The following ASB2 variants were observed in gnomAD, a reference collection of about 807,000 sequenced individuals.
ASB2 encodes ankyrin repeat and SOCS box protein 2.
In ASB2, 58 loss-of-function variants were observed where a neutral mutation model predicts 62.4. The observed-to-expected ratio is 0.93, with a 90% CI of 0.75 to 1.16. The LOEUF (loss-of-function observed/expected upper bound fraction) is 1.16. Ranked by LOEUF, ASB2 falls within the 50% of genes most tolerant of loss-of-function variation. ASB2 has a pLI of 0.00. For missense variants in ASB2, 928 were observed against 887.9 expected (o/e 1.05, Z -0.57); for synonymous variants, 386 against 385.3 (o/e 1.00, Z -0.02).
chr14:93,948,278 C>G (rs1243985098), intron 6 of ASB2: 2 of 154,344 alleles, frequency 1.3e-5, no homozygotes, highest in Non-Finnish European at 2.9e-5. Flanking sequence ...AAACTTGAAC[C>G]CAGATGGTCT....
intron 4 of ASB2, 53 bp downstream of exon 4, chr14:93,954,264 C>T (rs1449997304): frequency 4.8e-6 from 7 of 1,455,996 alleles, no homozygotes; most frequent in Non-Finnish European, 5.7e-6. Context: ...GAGCGGCAGC[C>T]CTTCCCCTAG....
chr14:93,954,599 G>A (rs1889106855), intron 3 of ASB2, 116 bp from the exon 4 acceptor site: 1 of 907,280 alleles, frequency 1.1e-6, no homozygotes, highest in Non-Finnish European at 1.7e-6. Flanking sequence ...GCTGGTTCCA[G>A]GATGAGCACT....
chr14:93,951,934 G>A (rs568880388), intron 5 of ASB2, among the ~76,000 whole-genome samples: 1 of 152,114 alleles, frequency 6.6e-6, no homozygotes, highest in African/African-American at 2.4e-5. Flanking sequence ...GACCCCAAAC[G>A]TGCCCTTGGC....
intron 1 of ASB2, among the ~76,000 whole-genome samples, chr14:93,972,287 CT>C (rs1236344985): frequency 6.6e-6 from 1 of 152,022 alleles, no homozygotes; most frequent in Non-Finnish European, 1.5e-5. Flanking sequence ...TCTGATCTGC[CT>C]TTCCCCCCAG....
Position 93,964,905 on chromosome 14 carries a change from T to C in ASB2, c.-73-293A>G, listed in dbSNP as rs545015766. Among the ~76,000 whole-genome samples the C allele has an allele frequency of 6.6e-5, 10 of 152,138 alleles. No homozygotes were observed. The East Asian group carries it at 1.5e-3, about 24-fold the overall frequency. On this transcript the variant is annotated intron_variant, in intron 1 of 9. Coordinates refer to ENST00000555019, the MANE Select transcript of ASB2 (RefSeq NM_001202429.2). ...ACCTTCCCATCCATCCACCCCTCTATACATATATTCAACTATCCAACTACC... is the reference window on the plus strand; with the variant it reads ...ACCTTCCCATCCATCCACCCCTCTACACATATATTCAACTATCCAACTACC...
At position 93,954,372 on chromosome 14, in the gene ASB2, C is replaced by T. The variant is rs561649990; in HGVS notation, c.423G>A (p.Pro141=). ...GGCCATAGTATGCGGCCTCGTGCAG[C>T]GGCAGCCAGCCCTCCTTGTTGGGCT... is the stretch of plus-strand genomic sequence containing the variant. ...LAEPNKEGWL[P]LHEAAYYGQV... The change falls in exon 4 of 10, where the codon CCG becomes CCA. Residue 141 remains proline, a synonymous_variant. Coordinates refer to ENST00000555019, the MANE Select transcript of ASB2 (RefSeq NM_001202429.2). 47 of 1,613,880 alleles carry T rather than the reference C, an allele frequency of 2.9e-5. 1 individual carries two copies. Among genetic ancestry groups the T allele is most frequent in the Middle Eastern group, 1.7e-4 (1 of 6,060 alleles).
chr14:93,939,799 G>A, intron 7 of ASB2, 127 bp from the exon 8 acceptor site: 1 of 720,828 alleles, frequency 1.4e-6, no homozygotes. Context: ...GCTGCGACGC[G>A]GATCCCACCG....
At chr14:93,957,131 C>T in intron 2 of ASB2, 1 of 1,354,330 alleles carries the variant, frequency 7.4e-7, no homozygotes. Context: ...TAACCTCACC[C>T]CACCCCCCGG....
intron 9 of ASB2, among the ~76,000 whole-genome samples, chr14:93,935,247 G>C (rs1020513530): frequency 1.6e-4 from 25 of 152,192 alleles, no homozygotes; most frequent in African/African-American, 6.0e-4. Context: ...GGTGCTGAGA[G>C]GCCAGGATAA....
In ASB2 at chr14:93,953,346, C is replaced by A. The variant is rs369185022; in HGVS notation, c.634+6G>T. On this transcript the variant is annotated splice_donor_region_variant and intron_variant, in intron 5 of 9. Coordinates refer to ENST00000555019, the MANE Select transcript of ASB2 (RefSeq NM_001202429.2). ...AGGAAAGCTCACTCCGGGGTGGGGA[C>A]CTCACCTTTGTAGAGCGGTGTCTCT... The A allele has an allele frequency of 1.9e-6, 3 of 1,567,026 alleles. No individual in the cohort carries two copies. The highest frequency in any genetic ancestry group is 2.6e-6 in the Non-Finnish European group (3 of 1,146,400).
At position 93,947,366 on chromosome 14, in the gene ASB2, G is replaced by A. The variant is rs1201401591; in HGVS notation, c.1035C>T (p.Ser345=). The change falls in exon 7 of 10, where the codon TCC becomes TCT. Residue 345 remains serine, a synonymous_variant. Transcript: ENST00000555019. ...KDGLLPLHIA[S]KKGNYRIVQM... is the part of the protein sequence containing the mutation. ...GGGCTGACCTGTAGTTGCCCTTCTTGGAGGCGATGTGCAGCGGGAGCAAGC... is the reference window on the plus strand; with the variant it reads ...GGGCTGACCTGTAGTTGCCCTTCTTAGAGGCGATGTGCAGCGGGAGCAAGC... 6.2e-7 allele frequency: 1 copy of A among 1,614,154 alleles called. No individual in the cohort carries two copies. Among genetic ancestry groups the A allele is most frequent in the Non-Finnish European group, 8.5e-7 (1 of 1,180,028 alleles).
rs578076306 is a variant in ASB2, at chr14:93,954,585, C to T, written c.312-102G>A. ...GGCAGTGGAGTCACTCGGTCCTCGT[C>T]CCTGCTGGTTCCAGGATGAGCACTC... is the stretch of plus-strand genomic sequence containing the variant. On this transcript the variant is annotated intron_variant, in intron 3 of 9. Coordinates refer to ENST00000555019, the MANE Select transcript of ASB2 (RefSeq NM_001202429.2). 114 of 1,068,060 alleles carry T rather than the reference C, an allele frequency of 1.1e-4. 1 individual carries two copies. The Middle Eastern group carries it at 2.0e-3, about 18-fold the overall frequency. 66.2% of individuals were successfully genotyped at this position (1,068,060 alleles called of 1,614,324 possible).
intron 2 of ASB2, chr14:93,957,479 A>G: frequency 1.2e-6 from 1 of 804,712 alleles, no homozygotes; most frequent in Non-Finnish European, 1.5e-6. Flanking sequence ...CTGCAGTCAG[A>G]CAGACACAGG....
Position 93,956,747 on chromosome 14 carries a change from C to T in ASB2, c.311+19G>A, listed in dbSNP as rs755625476. The T allele has an allele frequency of 3.7e-6, 6 of 1,613,896 alleles. No homozygotes were observed. Among genetic ancestry groups the T allele is most frequent in the Non-Finnish European group, 5.1e-6 (6 of 1,179,926 alleles). On this transcript the variant is annotated intron_variant, in intron 3 of 9. Transcript: ENST00000555019. ...GGAGTGAACTTGGATGGTCCTGGGG[C>T]CAGACAGGAGTCACTTACGCCAGCT... is the stretch of plus-strand genomic sequence containing the variant.
intron 6 of ASB2, among the ~76,000 whole-genome samples, chr14:93,949,924 C>T (rs1478738200): frequency 2.6e-5 from 4 of 152,086 alleles, no homozygotes; most frequent in African/African-American, 7.2e-5. Flanking sequence ...TGCTCAGGCG[C>T]GTGCTGAGTG....
At chr14:93,946,743 TCTCA>T (rs1888739586) in intron 7 of ASB2, among the ~76,000 whole-genome samples, 1 of 152,246 alleles carries the variant, frequency 6.6e-6, no homozygotes, top group Non-Finnish European at 1.5e-5. Context: ...GCCTCTCTCT[TCTCA>T]CTCAGAGTAT....
At position 93,956,800 on chromosome 14, in the gene ASB2, A is replaced by T. The variant is rs1379976878; in HGVS notation, c.277T>A (p.Tyr93Asn). 6.2e-7 allele frequency: 1 copy of T among 1,614,164 alleles called. No homozygotes were observed. The change falls in exon 3 of 10, where the codon TAC becomes AAC. Residue 93 changes from tyrosine to asparagine, a missense_variant. Coordinates refer to ENST00000555019, the MANE Select transcript of ASB2 (RefSeq NM_001202429.2). ...GAGGTCTTGAACAAGCTGCTGCTGT[A>T]TTTCTGCATGACCCCTTGGAACAAG... ...MGLFQGVMQK[Y>N]SSSLFKTSQL...
intron 7 of ASB2, among the ~76,000 whole-genome samples, chr14:93,946,709 C>T (rs984931417): frequency 7.2e-5 from 11 of 152,232 alleles, no homozygotes; most frequent in African/African-American, 2.7e-4. Flanking sequence ...TTCCCTTCCT[C>T]CAGATTGCTC....
At chr14:93,939,951 C>T in intron 7 of ASB2, 2 of 399,156 alleles carry the variant, frequency 5.0e-6, no homozygotes, top group East Asian at 7.8e-5. Context: ...AGGGGCAGAG[C>T]TGGGCTTCAG....
Sources: gnomAD v4.1 joint callset for allele counts (sites outside exome capture counted in the v4.1 genomes callset) on GRCh38, gnomAD v4.1.1 for gene constraint, MANE v1.5 for transcripts, NCBI Gene and HGNC (gene_info 2026-07-23, HGNC 2026-07-21) for gene names.